HPSE2: variants seen among roughly 807,000 people sequenced by gnomAD.
The protein encoded by HPSE2 is inactive heparanase-2.
Under a neutral mutation model 60.5 loss-of-function variants are expected in HPSE2, and 38 were observed. The observed-to-expected ratio is 0.63, with a 90% confidence interval of 0.48 to 0.82. The LOEUF (loss-of-function observed/expected upper bound fraction) is 0.82, where lower values mean the gene tolerates loss of function less well. Among genes scored for constraint, HPSE2 ranks in the 40% least tolerant of loss-of-function variants. HPSE2 has a pLI of 0.00. For missense variants in HPSE2, 713 were observed against 740.4 expected (o/e 0.96, Z 0.43); for synonymous variants, 295 against 293.2 (o/e 1.01, Z -0.06).
intron 6 of HPSE2, among the ~76,000 whole-genome samples, chr10:98,647,417 T>G (rs181817651): frequency 1.1e-4 from 17 of 152,324 alleles, no homozygotes; most frequent in African/African-American, 3.8e-4. Flanking sequence ...ATTGCATTAG[T>G]GCGGGCTTCC....
Position 99,109,634 on chromosome 10 carries a change from C to T in HPSE2, c.610+34604G>A, listed in dbSNP as rs139748676. 2.5e-3 allele frequency among the ~76,000 whole-genome samples: 378 copies of T among 152,216 alleles called. 2 individuals carry two copies. The highest frequency in any genetic ancestry group is 3.7e-3 in the Non-Finnish European group (250 of 68,000). ...TCTCAAGAATAAAACTGGCAGCATTCAATACCCACCAACACTCCAGAATGC... is the reference window on the plus strand; with the variant it reads ...TCTCAAGAATAAAACTGGCAGCATTTAATACCCACCAACACTCCAGAATGC... On this transcript the variant is annotated intron_variant, in intron 3 of 11. Coordinates refer to ENST00000370552, the MANE Select transcript of HPSE2 (RefSeq NM_021828.5).
chr10:98,535,962 T>TA (rs1943269705), intron 9 of HPSE2, among the ~76,000 whole-genome samples: 1 of 151,478 alleles, frequency 6.6e-6, no homozygotes, highest in African/African-American at 2.4e-5. Context: ...CTCCTGTTCC[T>TA]ACTGCCAAGT....
chr10:98,720,873 T>C (rs1412106891), intron 5 of HPSE2, among the ~76,000 whole-genome samples: 4 of 152,264 alleles, frequency 2.6e-5, no homozygotes, highest in Admixed American at 6.5e-5. Context: ...CTCAAAATGA[T>C]GCATATACAA....
At chr10:98,535,383 T>A (rs1388676067) in intron 9 of HPSE2, among the ~76,000 whole-genome samples, 1 of 151,940 alleles carries the variant, frequency 6.6e-6, no homozygotes, top group Non-Finnish European at 1.5e-5. Flanking sequence ...AGAAGAAAGG[T>A]ATAATTGGGA....
At chr10:99,058,643 ACT>A (rs1162643521) in intron 3 of HPSE2, among the ~76,000 whole-genome samples, 5 of 152,142 alleles carry the variant, frequency 3.3e-5, no homozygotes, top group Admixed American at 6.5e-5. Flanking sequence ...GATGATCCAA[ACT>A]CTATATTTTA....
chr10:99,235,927 A>C (rs1372380942), upstream of HPSE2: 281 of 631,612 alleles, frequency 4.4e-4, no homozygotes, highest in African/African-American at 3.4e-3. Context: ...CCACCCCCCC[A>C]ACACACACAC....
intron 3 of HPSE2, among the ~76,000 whole-genome samples, chr10:98,941,036 C>G (rs575294203): frequency 2.2e-5 from 3 of 133,998 alleles, no homozygotes; most frequent in Non-Finnish European, 4.5e-5. Flanking sequence ...TTCAACAACC[C>G]TTCATGCTAA....
In HPSE2 at chr10:98,901,539, C is replaced by T. The variant is rs1382099670; in HGVS notation, c.611-157483G>A. ...CAGGGCTGCCTTGCCCACTTCTTGA[C>T]AGCTCGGTCAGAAAATCTTTCCATG... On this transcript the variant is annotated intron_variant, in intron 3 of 11. Coordinates refer to ENST00000370552, the MANE Select transcript of HPSE2 (RefSeq NM_021828.5). Among the ~76,000 whole-genome samples the T allele has an allele frequency of 2.0e-5, 3 of 152,202 alleles. 1 individual carries two copies. The highest frequency in any genetic ancestry group is 3.9e-4 in the East Asian group (2 of 5,190).
chr10:99,030,135 T>A (rs913058591), intron 3 of HPSE2, among the ~76,000 whole-genome samples: 2 of 152,218 alleles, frequency 1.3e-5, no homozygotes, highest in African/African-American at 2.4e-5. Flanking sequence ...GAGCGAGGAT[T>A]ATTATAATAT....
chr10:98,831,891 A>T (rs1951691809), intron 3 of HPSE2, among the ~76,000 whole-genome samples: 1 of 152,186 alleles, frequency 6.6e-6, no homozygotes. Context: ...TAGACTTTCA[A>T]CCGATCTTTC....
intron 4 of HPSE2, among the ~76,000 whole-genome samples, chr10:98,732,827 A>G (rs894386383): frequency 6.6e-6 from 1 of 152,192 alleles, no homozygotes; most frequent in Admixed American, 6.5e-5. Context: ...TCAAGTTACA[A>G]AAGACGAAGT....
At chr10:99,158,578 G>C (rs1450360388) in intron 2 of HPSE2, among the ~76,000 whole-genome samples, 1 of 142,486 alleles carries the variant, frequency 7.0e-6, no homozygotes, top group Non-Finnish European at 1.5e-5. Context: ...ACAGGAAGGG[G>C]ACTATCACAC....
intron 3 of HPSE2, among the ~76,000 whole-genome samples, chr10:98,768,633 A>G (rs992801177): frequency 1.3e-5 from 2 of 152,212 alleles, no homozygotes; most frequent in African/African-American, 4.8e-5. Context: ...ACTAAATATT[A>G]TAGTCCACAT....
chr10:99,193,990 G>A (rs984949811), intron 2 of HPSE2, among the ~76,000 whole-genome samples: 1 of 151,664 alleles, frequency 6.6e-6, no homozygotes, highest in Admixed American at 6.6e-5. Context: ...TCTTATCCTC[G>A]GTACATAGGT....
At chr10:98,997,944 T>A (rs191276376) in intron 3 of HPSE2, among the ~76,000 whole-genome samples, 1 of 152,286 alleles carries the variant, frequency 6.6e-6, no homozygotes, top group African/African-American at 2.4e-5. Context: ...AGCACAAGTG[T>A]CATTAGTGGT....
At chr10:98,596,472 CT>C (rs35468569) in intron 9 of HPSE2, among the ~76,000 whole-genome samples, 58,836 of 148,768 alleles carry the variant, frequency 0.4, 11,627 homozygotes, top group East Asian at 0.51. Context: ...AATTAGCATC[CT>C]TTTTTTTTTT....
chr10:98,482,856 G>A (rs1941295719), intron 10 of HPSE2, 74 bp from the exon 11 acceptor site: 2 of 1,512,398 alleles, frequency 1.3e-6, no homozygotes, highest in Admixed American at 1.7e-5. Context: ...ATAATTTATA[G>A]ACTGTACAAA....
chr10:98,526,739 C>T (rs1173729669), intron 9 of HPSE2, among the ~76,000 whole-genome samples: 1 of 152,032 alleles, frequency 6.6e-6, no homozygotes, highest in Non-Finnish European at 1.5e-5. Context: ...ACATCTTAAC[C>T]ATAAAAGCAA....
Position 98,514,368 on chromosome 10 carries a change from G to A in HPSE2, c.1321-24172C>T, listed in dbSNP as rs1487371564. ...CTAGTAGAGATGGTTGCATACCATC[G>A]TGAATGTACTTCATAACACTGAATA... On this transcript the variant is annotated intron_variant, in intron 9 of 11. Transcript: ENST00000370552. 3.9e-5 allele frequency among the ~76,000 whole-genome samples: 6 copies of A among 152,096 alleles called. No homozygotes were observed. In the East Asian group the frequency reaches 7.7e-4, roughly 20 times the overall value.
Sources: gnomAD v4.1 joint callset for allele counts (sites outside exome capture counted in the v4.1 genomes callset) on GRCh38, gnomAD v4.1.1 for gene constraint, MANE v1.5 for transcripts, NCBI Gene and HGNC (gene_info 2026-07-23, HGNC 2026-07-21) for gene names.